The following DNAH9 variants were observed in gnomAD, a reference collection of about 807,000 sequenced individuals.
DNAH9 encodes dynein axonemal heavy chain 9, also known as DNAH9 variant protein.
DNAH9 carries 345 observed loss-of-function variants against 471.6 expected under a neutral mutation model. That is an observed-to-expected ratio of 0.73 (90% CI 0.67 to 0.80). DNAH9 has a LOEUF of 0.80. Ranked by LOEUF, DNAH9 falls within the 30% of genes least tolerant of loss-of-function variation. The pLI, the probability that DNAH9 is intolerant of heterozygous loss-of-function variation, is 0.00. For synonymous variants in DNAH9, 2,093 were observed against 2,123.6 expected (o/e 0.99, Z 0.40); for missense variants, 5,407 against 5,609.2 (o/e 0.96, Z 1.15).
rs1421095510 is a variant in DNAH9 at position 11,629,459 on chromosome 17, G to A, written c.1393G>A (p.Val465Met). The A allele has an allele frequency of 6.2e-7, 1 of 1,614,022 alleles. No individual in the cohort carries two copies. Among genetic ancestry groups the A allele is most frequent in the East Asian group, 2.2e-5 (1 of 44,888 alleles). ...TALDFHKLGK[V>M]EFSGVRGNAL... is the part of the protein sequence containing the mutation. ...CCTGGATTTCCACAAACTGGGAAAG[G>A]TGGAGTTCAGCGGCGTCAGAGGGAA... Residue 465 changes from valine (V) to methionine (M), a missense_variant, in exon 7 of 69, where the codon GTG becomes ATG. Transcript: ENST00000262442.
chr17:11,734,832 T>C (rs979086013), intron 28 of DNAH9, among the ~76,000 whole-genome samples: 2 of 152,214 alleles, frequency 1.3e-5, no homozygotes, highest in African/African-American at 4.8e-5. Context: ...TCTTTGAGTC[T>C]GTTCAACACC....
At chr17:11,761,798 A>G (rs1967679704) in intron 35 of DNAH9, among the ~76,000 whole-genome samples, 1 of 152,058 alleles carries the variant, frequency 6.6e-6, no homozygotes. Flanking sequence ...CCTGTGCAGG[A>G]GGGGACACTC....
chr17:11,931,930 C>G, intron 63 of DNAH9, 84 bp from the exon 64 acceptor site: 3 of 1,479,850 alleles, frequency 2.0e-6, no homozygotes, highest in Non-Finnish European at 1.9e-6. Context: ...TTTTCCAACA[C>G]GAACCCTGAT....
rs58528888 is a variant in DNAH9 at position 11,751,773 on chromosome 17, GA to G, written c.6611-1051del. On this transcript the variant is annotated intron_variant, in intron 32 of 68. Coordinates refer to ENST00000262442, the MANE Select transcript of DNAH9 (RefSeq NM_001372.4). ...AATAGATGGTATAAATTGGAGGAAAGAAAAAAAAATTAGAGGAAAGGAGAGA... is the reference window on the plus strand; with the variant it reads ...AATAGATGGTATAAATTGGAGGAAAGAAAAAAAATTAGAGGAAAGGAGAGA... 6.3e-3 allele frequency among the ~76,000 whole-genome samples: 951 copies of G among 150,820 alleles called. 7 individuals carry two copies. Among genetic ancestry groups the G allele is most frequent in the African/African-American group, 0.021 (858 of 41,196 alleles).
At position 11,769,185 on chromosome 17, in the gene DNAH9, C is replaced by T. The variant is rs777792290; in HGVS notation, c.7408C>T (p.Arg2470Trp). The change falls in exon 38 of 69, where the codon CGG (arginine) becomes TGG (tryptophan). Residue 2470 changes from arginine (R) to tryptophan (W), a missense_variant. Physicochemically the swap from Arg to Trp is moderately radical, Grantham distance 101 (BLOSUM62 -3). Around this residue, in one of 3 missense-constraint regions of DNAH9, gnomAD observed 4,636 missense variants for 4,900.3 expected, o/e 0.95. Transcript: ENST00000262442. Reference protein sequence around the residue: ...VCYFMERLMARQRPVMLVGTA... With the variant: ...VCYFMERLMAWQRPVMLVGTA... Reference sequence around the variant, plus strand: ...CTACTTCATGGAGCGGTTGATGGCGCGGCAGCGGCCTGTCATGCTGGTGGG... The same window carrying T: ...CTACTTCATGGAGCGGTTGATGGCGTGGCAGCGGCCTGTCATGCTGGTGGG... 2.6e-5 allele frequency: 42 copies of T among 1,614,208 alleles called. No individual in the cohort carries two copies. Among genetic ancestry groups the T allele is most frequent in the Middle Eastern group, 1.6e-4 (1 of 6,062 alleles).
rs180703418 is a variant in DNAH9, at chr17:11,679,374, T to C, written c.3354-383T>C. On this transcript the variant is annotated intron_variant, in intron 17 of 68. Coordinates refer to ENST00000262442, the MANE Select transcript of DNAH9 (RefSeq NM_001372.4). Reference sequence around the variant, plus strand: ...CATAATTCTCATGTTATCCAGTTCATAAATTTTGCCACTTCTCTGAATCCA... The same window carrying C: ...CATAATTCTCATGTTATCCAGTTCACAAATTTTGCCACTTCTCTGAATCCA... 6.0e-4 allele frequency among the ~76,000 whole-genome samples: 92 copies of C among 152,362 alleles called. 1 individual carries two copies. Among genetic ancestry groups the C allele is most frequent in the African/African-American group, 2.2e-3 (90 of 41,596 alleles).
At chr17:11,921,064 CTG>C (rs1469427600) in intron 61 of DNAH9, among the ~76,000 whole-genome samples, 1 of 151,870 alleles carries the variant, frequency 6.6e-6, no homozygotes, top group Non-Finnish European at 1.5e-5. Flanking sequence ...TCGCTTGAAT[CTG>C]AGAGGTGGAG....
chr17:11,919,212 A>G (rs1974050997), intron 61 of DNAH9, among the ~76,000 whole-genome samples: 1 of 151,672 alleles, frequency 6.6e-6, no homozygotes, highest in Admixed American at 6.6e-5. Context: ...AAAGGGGTTC[A>G]TGGCGGGGCG....
In DNAH9 at chr17:11,867,833, C is replaced by T. The variant is rs903617793; in HGVS notation, c.9934-1301C>T. Among the ~76,000 whole-genome samples the T allele has an allele frequency of 1.1e-4, 16 of 152,184 alleles. 1 individual carries two copies. The highest frequency in any genetic ancestry group is 3.9e-4 in the African/African-American group (16 of 41,446). The stretch of plus-strand genomic sequence containing the variant: ...CTCTATTGACTTTCTTACATGGTGA[C>T]ATAGGTGACTGGTGGCATTGCATAC... On this transcript the variant is annotated intron_variant, in intron 50 of 68. Transcript: ENST00000262442.
Position 11,932,071 on chromosome 17 carries a change from T to C in DNAH9, c.12163T>C (p.Cys4055Arg). 6.2e-7 allele frequency: 1 copy of C among 1,614,148 alleles called. No homozygotes were observed. The highest frequency in any genetic ancestry group is 1.1e-5 in the South Asian group (1 of 91,078). Residue 4055 changes from cysteine to arginine, a missense_variant, in exon 64 of 69, where the codon TGT becomes CGT. By Grantham distance (180) the Cys-to-Arg change is radical. Coordinates refer to ENST00000262442, the MANE Select transcript of DNAH9 (RefSeq NM_001372.4). This position sits in a 1 kb window ranked among gnomAD's most constrained non-coding sequence, Gnocchi z 4.3. ...GTTTAAGAGCATCCTCTTTGCTCTT[T>C]GTTACTTCCATGCGGTGGTGGCAGA... ...TEFKSILFAL[C>R]YFHAVVAERR...
At chr17:11,900,568 T>C (rs995849273) in intron 59 of DNAH9, among the ~76,000 whole-genome samples, 3 of 151,522 alleles carry the variant, frequency 2.0e-5, no homozygotes, top group African/African-American at 4.8e-5. Context: ...GAATTCTACA[T>C]ACCTACCAAG....
chr17:11,753,621 G>A (rs571888264), intron 33 of DNAH9, among the ~76,000 whole-genome samples: 6 of 152,286 alleles, frequency 3.9e-5, no homozygotes, highest in Admixed American at 1.3e-4. Context: ...AGCCGAGATC[G>A]CGCCATTGCA....
Position 11,854,168 on chromosome 17 carries a change from C to G in DNAH9, c.9673C>G (p.Leu3225Val), listed in dbSNP as rs1366846697. ...CAAAGTGGATGGCTTCCTGGACTCG[C>G]TAATAAACTTCAACAAAGAGAACAT... ...MAKVDGFLDS[L>V]INFNKENIHE... The change falls in exon 50 of 69, where the codon CTA becomes GTA. Residue 3225 changes from leucine (L) to valine (V), a missense_variant. By Grantham distance (32) the Leu-to-Val change is conservative (BLOSUM62 1). Coordinates refer to ENST00000262442, the MANE Select transcript of DNAH9 (RefSeq NM_001372.4). 6.2e-7 allele frequency: 1 copy of G among 1,614,146 alleles called. No homozygotes were observed.
In DNAH9 at chr17:11,723,814, C is replaced by G. The variant is rs368927137; in HGVS notation, c.5710-4004C>G. ...TCCCGAGTAGCTTGGACTACAGGCG[C>G]CCGCCACCACGCCTGGCTAATTGGT... On this transcript the variant is annotated intron_variant, in intron 27 of 68. Coordinates refer to ENST00000262442, the MANE Select transcript of DNAH9 (RefSeq NM_001372.4). Among the ~76,000 whole-genome samples, 38 of 152,032 alleles carry G rather than the reference C, an allele frequency of 2.5e-4. No homozygotes were observed. The South Asian group carries it at 4.6e-3, about 18-fold the overall frequency.
At chr17:11,650,878 G>A (rs1232211417) in intron 12 of DNAH9, among the ~76,000 whole-genome samples, 191 bp from the exon 13 acceptor site, 1 of 152,078 alleles carries the variant, frequency 6.6e-6, no homozygotes, top group African/African-American at 2.4e-5. Flanking sequence ...GTTTCTTTCC[G>A]AGACATCTTC....
intron 44 of DNAH9, among the ~76,000 whole-genome samples, chr17:11,808,821 G>T (rs900453060): frequency 5.3e-5 from 8 of 152,168 alleles, no homozygotes; most frequent in Non-Finnish European, 1.2e-4. Context: ...CTAGTCTGGG[G>T]AATGGCCTGG....
intron 49 of DNAH9, among the ~76,000 whole-genome samples, chr17:11,851,262 G>A (rs568789444): frequency 1.8e-4 from 27 of 152,184 alleles, no homozygotes; most frequent in African/African-American, 4.6e-4. Flanking sequence ...GGTTACAGGC[G>A]CCTGCCATCA....
In DNAH9 at chr17:11,601,957, C is replaced by T. The variant is rs536482483; in HGVS notation, c.417+3042C>T. 3.9e-5 allele frequency among the ~76,000 whole-genome samples: 6 copies of T among 152,166 alleles called. No individual in the cohort carries two copies. The South Asian group carries it at 1.0e-3, about 26-fold the overall frequency. On this transcript the variant is annotated intron_variant, in intron 1 of 68. Transcript: ENST00000262442. ...TTAATATTATTTTTGTTCCATTCTA[C>T]GAGTACAAGGTAAAAAAGGAAAATG...
Position 11,610,513 on chromosome 17 carries a change from G to A in DNAH9, c.732G>A (p.Glu244=). ...CTTCCCAGCCACTCTTACAAGGGGA[G>A]AATCCCACCCCTAAGGTGGAGTTGG... ...RESSQPLLQG[E]NPTPKVELEF... Residue 244 remains glutamate, a synonymous_variant, in exon 3 of 69, where the codon GAG becomes GAA. Transcript: ENST00000262442. 3 of 1,613,292 alleles carry A rather than the reference G, an allele frequency of 1.9e-6. 1 individual carries two copies. The highest frequency in any genetic ancestry group is 2.2e-5 in the East Asian group (1 of 44,874).
Sources: allele counts gnomAD v4.1 joint callset (sites outside exome capture counted in the v4.1 genomes callset), GRCh38; gene constraint gnomAD v4.1.1; regional missense constraint gnomAD v4.1.1; non-coding constraint Gnocchi (gnomAD v3.1); transcripts MANE v1.5; gene names NCBI Gene and HGNC (gene_info 2026-07-23, HGNC 2026-07-21).